The following DHX57 variants were observed in gnomAD, a reference collection of about 807,000 sequenced individuals.
DHX57 encodes putative ATP-dependent RNA helicase DHX57.
A neutral mutation model predicts 156.2 loss-of-function variants in DHX57; 105 were observed. That is an observed-to-expected ratio of 0.67 (90% CI 0.57 to 0.79). The LOEUF is 0.79. Ranked by LOEUF, DHX57 falls within the 30% of genes least tolerant of loss-of-function variation. The pLI, the probability that DHX57 is intolerant of heterozygous loss-of-function variation, is 0.00. For missense variants in DHX57, 1,847 were observed against 1,661.9 expected (o/e 1.11, Z -1.94); for synonymous variants, 704 against 595.6 (o/e 1.18, Z -2.65).
intron 2 of DHX57, 56 bp from the exon 3 acceptor site, chr2:38,863,575 C>T: frequency 6.4e-7 from 1 of 1,559,790 alleles, no homozygotes; most frequent in Middle Eastern, 1.7e-4. Flanking sequence ...AACTTTTACA[C>T]TCTCCTCAGG....
At chr2:38,808,485 G>T (rs1473111334) in intron 21 of DHX57, among the ~76,000 whole-genome samples, 2 of 151,898 alleles carry the variant, frequency 1.3e-5, no homozygotes, top group South Asian at 2.1e-4. Flanking sequence ...CATAATTTTT[G>T]ATGGATATAT....
chr2:38,810,873 G>T, intron 21 of DHX57: 2 of 748,796 alleles, frequency 2.7e-6, no homozygotes, highest in Non-Finnish European at 4.8e-6. Context: ...GGTTCTCCAC[G>T]ATGTCAATAT....
chr2:38,824,599 G>A (rs1422711467), intron 16 of DHX57, among the ~76,000 whole-genome samples: 3 of 152,076 alleles, frequency 2.0e-5, no homozygotes, highest in African/African-American at 7.2e-5. Context: ...AGGTTTAAAC[G>A]ATCCACTTAT....
intron 16 of DHX57, among the ~76,000 whole-genome samples, chr2:38,825,156 G>A (rs1358958069): frequency 1.3e-5 from 2 of 152,052 alleles, no homozygotes; most frequent in East Asian, 3.8e-4. Flanking sequence ...TCCTTTTTAA[G>A]TTGCCAATCT....
chr2:38,810,983 G>A (rs1278091537), intron 21 of DHX57: 8 of 805,632 alleles, frequency 9.9e-6, no homozygotes, highest in East Asian at 2.8e-5. Flanking sequence ...ACCTTCACAG[G>A]GACCCCTTTT....
At chr2:38,805,582 G>C (rs928589268) in intron 22 of DHX57, among the ~76,000 whole-genome samples, 2 of 152,122 alleles carry the variant, frequency 1.3e-5, no homozygotes, top group African/African-American at 2.4e-5. Flanking sequence ...GCAAATCTTA[G>C]AGATGTCAAC....
rs763236688 is a variant in DHX57, at chr2:38,862,201, C to T, written c.516G>A (p.Val172=). The change falls in exon 4 of 24, where the codon GTG becomes GTA. Residue 172 remains valine, a synonymous_variant. Coordinates refer to ENST00000457308, the MANE Select transcript of DHX57 (RefSeq NM_198963.3). ...CTGTAAATTCTGGAACATAAGGCTCCACTGAGGCTAAGCCAGCATATTCCA... is the reference window on the plus strand; with the variant it reads ...CTGTAAATTCTGGAACATAAGGCTCTACTGAGGCTAAGCCAGCATATTCCA... ...DPLEYAGLAS[V]EPYVPEFTVS... 6 of 1,613,620 alleles carry T rather than the reference C, an allele frequency of 3.7e-6. No individual in the cohort carries two copies. In the East Asian group the frequency reaches 1.3e-4, roughly 36 times the overall value.
At chr2:38,849,710 T>C (rs1417511030) in intron 9 of DHX57, among the ~76,000 whole-genome samples, 1 of 152,208 alleles carries the variant, frequency 6.6e-6, no homozygotes, top group Admixed American at 6.5e-5. Context: ...ACCGGCTCAC[T>C]GTTCTCCTTG....
intron 12 of DHX57, among the ~76,000 whole-genome samples, chr2:38,842,700 A>G (rs1005577752): frequency 6.6e-6 from 1 of 152,222 alleles, no homozygotes; most frequent in African/African-American, 2.4e-5. Context: ...TAAATTTGAA[A>G]TCACATCAAA....
In DHX57 at chr2:38,798,208, A is replaced by T; in HGVS notation, c.*91T>A. On this transcript the variant is annotated 3_prime_UTR_variant, in exon 24 of 24. Coordinates refer to ENST00000457308, the MANE Select transcript of DHX57 (RefSeq NM_198963.3). ...GGGCTCCTCCACCAGGGCCAGCCCC[A>T]ATAGGTCTTTAGTTCGAGGTAGAGG... is the stretch of plus-strand genomic sequence containing the variant. 6.6e-7 allele frequency: 1 copy of T among 1,520,376 alleles called. No individual in the cohort carries two copies. The highest frequency in any genetic ancestry group is 2.3e-5 in the East Asian group (1 of 43,928). The allele number at this position is 1,520,376 out of a possible 1,614,324, so 94.2% of individuals were successfully genotyped here. A position where few individuals can be genotyped will look rare whatever the true frequency, so the allele number is the denominator to read the frequency against.
chr2:38,801,406 C>CTATT (rs1669669841), intron 23 of DHX57, among the ~76,000 whole-genome samples: 2 of 141,232 alleles, frequency 1.4e-5, no homozygotes, highest in African/African-American at 2.6e-5. Context: ...TTTTATCTAT[C>CTATT]TATCTATTTA....
At chr2:38,799,722 C>T (rs1348193920) in intron 23 of DHX57, among the ~76,000 whole-genome samples, 2 of 141,378 alleles carry the variant, frequency 1.4e-5, no homozygotes, top group Non-Finnish European at 3.0e-5. Flanking sequence ...TGCACTCCAG[C>T]CTGGGCAACA....
At chr2:38,811,038 G>A in intron 21 of DHX57, 2 of 671,194 alleles carry the variant, frequency 3.0e-6, no homozygotes, top group Non-Finnish European at 5.5e-6. Flanking sequence ...GCTTTGGCCA[G>A]GTCCTGAATC....
At chr2:38,845,967 G>A (rs898192655) in intron 11 of DHX57, among the ~76,000 whole-genome samples, 2 of 151,358 alleles carry the variant, frequency 1.3e-5, no homozygotes, top group Non-Finnish European at 2.9e-5. Context: ...CCAGGTTCAA[G>A]CGATTCTCCT....
chr2:38,868,079 A>T, intron 2 of DHX57, 103 bp downstream of exon 2: 1 of 1,413,488 alleles, frequency 7.1e-7, no homozygotes, highest in Admixed American at 2.0e-5. Context: ...AGACAATTTG[A>T]CCAGAATTAC....
chr2:38,825,251 G>A (rs931669046), intron 16 of DHX57, among the ~76,000 whole-genome samples: 3 of 152,050 alleles, frequency 2.0e-5, no homozygotes, highest in Non-Finnish European at 4.4e-5. Context: ...ACTTTAAGAC[G>A]TGAATTGACA....
At chr2:38,833,684 TATA>T (rs1462978264) in intron 13 of DHX57, among the ~76,000 whole-genome samples, 2 of 152,200 alleles carry the variant, frequency 1.3e-5, no homozygotes, top group Non-Finnish European at 2.9e-5. Context: ...AGTGTTTAAC[TATA>T]ATAAGTGTTC....
intron 21 of DHX57, chr2:38,811,346 C>T (rs1670236607): frequency 3.8e-6 from 2 of 527,510 alleles, no homozygotes; most frequent in South Asian, 1.6e-5. Context: ...ATACTTTGCC[C>T]CCTCCCACTG....
intron 21 of DHX57, among the ~76,000 whole-genome samples, chr2:38,812,301 A>G (rs557321131): frequency 2.0e-5 from 3 of 152,242 alleles, no homozygotes; most frequent in Non-Finnish European, 4.4e-5. Context: ...TTTGAAAAGC[A>G]TACAAATGCT....
Sources: allele counts gnomAD v4.1 joint callset (sites outside exome capture counted in the v4.1 genomes callset), GRCh38; gene constraint gnomAD v4.1.1; transcripts MANE v1.5; gene names NCBI Gene and HGNC (gene_info 2026-07-23, HGNC 2026-07-21).